ODAD2: variants seen among roughly 807,000 people sequenced by gnomAD.
ODAD2 encodes the protein outer dynein arm-docking complex subunit 2.
ODAD2 carries 89 observed loss-of-function variants against 106.8 expected under a neutral mutation model. That is an observed-to-expected ratio of 0.83 (90% CI 0.70 to 0.99). The LOEUF is 0.99. ODAD2 is among the 50% of genes least tolerant of loss of function. ODAD2 has a pLI of 0.00. For synonymous variants in ODAD2, 404 were observed against 436.2 expected, an observed-to-expected ratio of 0.93 and a Z score of 0.92; for missense variants, 1,168 against 1,238.5, an observed-to-expected ratio of 0.94 and a Z score of 0.85.
chr10:27,848,971 A>C (rs1169216113), intron 19 of ODAD2, among the ~76,000 whole-genome samples: 3 of 152,234 alleles, frequency 2.0e-5, no homozygotes, highest in Middle Eastern at 3.2e-3. Flanking sequence ...AAACTAGTTC[A>C]ACCATTGTGG....
intron 16 of ODAD2, among the ~76,000 whole-genome samples, chr10:27,908,611 T>C (rs987946574): frequency 2.0e-5 from 3 of 152,202 alleles, no homozygotes; most frequent in African/African-American, 7.2e-5. Flanking sequence ...CAAAATTCCT[T>C]TGATTTTTAA....
Position 27,921,253 on chromosome 10 carries a change from C to T in ODAD2, c.2496-13476G>A, listed in dbSNP as rs554394143. ...AAGGCTGCAGTGACCCCTCATCATG[C>T]CACTGTACTTTAGCCTGGATGACAG... On this transcript the variant is annotated intron_variant, in intron 16 of 19. Coordinates refer to ENST00000305242, the MANE Select transcript of ODAD2 (RefSeq NM_018076.5). Among the ~76,000 whole-genome samples, 16 of 151,342 alleles carry T rather than the reference C, an allele frequency of 1.1e-4. No individual in the cohort carries two copies. The East Asian group carries it at 2.9e-3, about 28-fold the overall frequency.
At chr10:27,845,806 A>G (rs1260108070) in intron 19 of ODAD2, among the ~76,000 whole-genome samples, 1 of 152,220 alleles carries the variant, frequency 6.6e-6, no homozygotes, top group East Asian at 1.9e-4. Flanking sequence ...TAAACCAACA[A>G]ATATCAAAAG....
In ODAD2 at chr10:27,907,783, G is replaced by A. The variant is rs542118211; in HGVS notation, c.2496-6C>T. 3.1e-6 allele frequency: 5 copies of A among 1,589,306 alleles called. No individual in the cohort carries two copies. Among genetic ancestry groups the A allele is most frequent in the South Asian group, 2.2e-5 (2 of 90,510 alleles). On this transcript the variant is annotated splice_polypyrimidine_tract_variant and splice_region_variant and intron_variant, in intron 16 of 19. Transcript: ENST00000305242. Reference sequence around the variant, plus strand: ...CATCTAAGCGATCAATTATCCTATCGTGGAACCCAAAATCATGATATAAAC... The same window carrying A: ...CATCTAAGCGATCAATTATCCTATCATGGAACCCAAAATCATGATATAAAC...
At chr10:27,981,777 ATTCC>A (rs1297908047) in intron 6 of ODAD2, 195 bp from the exon 7 acceptor site, 7 of 414,460 alleles carry the variant, frequency 1.7e-5, no homozygotes, top group East Asian at 1.4e-4. Flanking sequence ...TCATTCACTC[ATTCC>A]TTCCTTCATT....
rs765435884 is a variant in ODAD2, at chr10:27,944,888, C to T, written c.1461G>A (p.Gln487=). The change falls in exon 11 of 20, where the codon CAG becomes CAA. Residue 487 remains glutamine, a synonymous_variant. Transcript: ENST00000305242. ...GGCCTCCAACATCTCTGATGGCCAA[C>T]TGGCAGGTTTCTTGAGCTAAGCTGA... is the stretch of plus-strand genomic sequence containing the variant. ...RDFSLAQETC[Q]LAIRDVGGLE... The T allele has an allele frequency of 7.4e-6, 12 of 1,614,082 alleles. No homozygotes were observed. In the South Asian group the frequency reaches 1.3e-4, roughly 18 times the overall value.
At chr10:27,816,529 G>C (rs1471551849) in intron 19 of ODAD2, among the ~76,000 whole-genome samples, 1 of 152,122 alleles carries the variant, frequency 6.6e-6, no homozygotes, top group African/African-American at 2.4e-5. Context: ...GAAAACAGGA[G>C]GCTACTGATC....
chr10:27,993,179 C>T (rs1850335766), intron 2 of ODAD2, among the ~76,000 whole-genome samples: 1 of 151,880 alleles, frequency 6.6e-6, no homozygotes, highest in Non-Finnish European at 1.5e-5. Context: ...CCTTTCAAAA[C>T]GTTGGGATTA....
chr10:27,956,647 C>T (rs1339056345), intron 10 of ODAD2, among the ~76,000 whole-genome samples: 8 of 152,274 alleles, frequency 5.3e-5, no homozygotes, highest in Admixed American at 1.3e-4. Context: ...ACCAACCAAC[C>T]ATGTTCTCGG....
rs1177338932 is a variant in ODAD2 at position 27,936,813 on chromosome 10, A to G, written c.2165T>C (p.Leu722Pro). 1.2e-6 allele frequency: 2 copies of G among 1,613,906 alleles called. No homozygotes were observed. The highest frequency in any genetic ancestry group is 2.7e-5 in the African/African-American group (2 of 74,922). Residue 722 changes from leucine to proline, a missense_variant, in exon 15 of 20, where the codon CTA becomes CCA. By Grantham distance (98) the Leu-to-Pro change is moderately conservative. This residue lies in a region of ODAD2 where 701 missense variants were observed against 712.3 expected (regional missense o/e 0.98). Transcript: ENST00000305242. ...LHGGLKPLAS[L>P]LNNTDNKERL... ...CTCTTTATTGTCAGTGTTATTGAGT[A>G]GACTGGCCAAGGGCTTAAGTCCTCC... is the stretch of plus-strand genomic sequence containing the variant.
chr10:27,869,862 A>G (rs553130300), intron 17 of ODAD2, among the ~76,000 whole-genome samples: 27 of 152,214 alleles, frequency 1.8e-4, no homozygotes, highest in African/African-American at 6.5e-4. Context: ...GGGAAAGAAT[A>G]AGACATTATC....
chr10:27,973,561 C>T (rs558751149), intron 7 of ODAD2, among the ~76,000 whole-genome samples: 213 of 152,158 alleles, frequency 1.4e-3, no homozygotes, highest in Non-Finnish European at 2.3e-3. Flanking sequence ...CATTTAGCTC[C>T]CATTTATAAG....
chr10:27,985,063 T>C lies in ODAD2; in HGVS notation c.531A>G (p.Gln177=), dbSNP rs144419049. The C allele has an allele frequency of 3.1e-6, 5 of 1,609,198 alleles. No homozygotes were observed. The highest frequency in any genetic ancestry group is 4.2e-6 in the Non-Finnish European group (5 of 1,178,522). Residue 177 remains glutamine, a synonymous_variant, in exon 4 of 20, where the codon CAA becomes CAG. Coordinates refer to ENST00000305242, the MANE Select transcript of ODAD2 (RefSeq NM_018076.5). Reference sequence around the variant, plus strand: ...AATGATTGAGGAGGTGCAGATCCAATTGCTTAAGCAGCATAGCAATCTTCA... The same window carrying C: ...AATGATTGAGGAGGTGCAGATCCAACTGCTTAAGCAGCATAGCAATCTTCA... ...IKMKIAMLLK[Q]LDLHLLNHSL...
chr10:27,900,738 A>C (rs2133800361), intron 17 of ODAD2, among the ~76,000 whole-genome samples: 1 of 152,312 alleles, frequency 6.6e-6, no homozygotes, highest in Non-Finnish European at 1.5e-5. Flanking sequence ...TCTTAGTGAA[A>C]TAAAGCATGA....
chr10:27,829,956 G>A (rs1837350233), intron 19 of ODAD2, among the ~76,000 whole-genome samples: 1 of 151,808 alleles, frequency 6.6e-6, no homozygotes, highest in South Asian at 2.1e-4. Context: ...GTAAGCAGTG[G>A]AACCCATTTC....
intron 18 of ODAD2, 101 bp downstream of exon 18, chr10:27,862,333 A>G: frequency 1.1e-6 from 1 of 903,134 alleles, no homozygotes; most frequent in Non-Finnish European, 1.6e-6. Flanking sequence ...TGGGTATTAA[A>G]CTTGAATCCA....
At chr10:27,881,257 T>G (rs1269641560) in intron 17 of ODAD2, among the ~76,000 whole-genome samples, 5 of 152,192 alleles carry the variant, frequency 3.3e-5, no homozygotes, top group Non-Finnish European at 7.3e-5. Context: ...CACTTGAAAT[T>G]TATTTGATTC....
chr10:27,984,374 A>G (rs1042186736), intron 4 of ODAD2, 84 bp from the exon 5 acceptor site: 1 of 939,042 alleles, frequency 1.1e-6, no homozygotes, highest in Admixed American at 2.3e-5. Context: ...GTATCAGGAG[A>G]AATATCTTTT....
intron 12 of ODAD2, among the ~76,000 whole-genome samples, chr10:27,942,565 T>C (rs1488655352): frequency 6.6e-6 from 1 of 152,220 alleles, no homozygotes; most frequent in Non-Finnish European, 1.5e-5. Flanking sequence ...TAAAACATAT[T>C]TTATGTTACA....
Sources: allele counts gnomAD v4.1 joint callset (sites outside exome capture counted in the v4.1 genomes callset), GRCh38; gene constraint gnomAD v4.1.1; regional missense constraint gnomAD v4.1.1; transcripts MANE v1.5; gene names NCBI Gene and HGNC (gene_info 2026-07-23, HGNC 2026-07-21).